The following ATRN variants were observed in gnomAD, a reference collection of about 807,000 sequenced individuals.
ATRN encodes the protein attractin, also known as attractin-2.
Under a neutral mutation model 178.7 loss-of-function variants are expected in ATRN, and 54 were observed. The observed-to-expected ratio is 0.30, with a 90% CI of 0.24 to 0.38. ATRN has a LOEUF of 0.38. ATRN is among the 10% of genes least tolerant of loss of function. ATRN has a pLI of 1.00. For missense variants in ATRN, 1,443 were observed against 1,815.1 expected (o/e 0.79, Z 3.73); for synonymous variants, 636 against 663.0 (o/e 0.96, Z 0.63).
intron 23 of ATRN, among the ~76,000 whole-genome samples, chr20:3,603,868 T>C (rs2086644863): frequency 6.6e-6 from 1 of 152,194 alleles, no homozygotes; most frequent in South Asian, 2.1e-4. Context: ...TCTTGTTGGC[T>C]GTGTGACTTG....
At chr20:3,616,551 A>G (rs1211624021) in intron 24 of ATRN, among the ~76,000 whole-genome samples, 1 of 152,148 alleles carries the variant, frequency 6.6e-6, no homozygotes, top group Non-Finnish European at 1.5e-5. Flanking sequence ...AGGAACTACC[A>G]GGAGTTTAGC....
chr20:3,596,869 A>G, intron 21 of ATRN, among the ~76,000 whole-genome samples: 1 of 152,126 alleles, frequency 6.6e-6, no homozygotes, highest in South Asian at 2.1e-4. Context: ...TGAGTCTGAC[A>G]AGGTGACCAT....
intron 8 of ATRN, 38 bp from the exon 9 acceptor site, chr20:3,562,238 G>A: frequency 4.5e-6 from 7 of 1,557,926 alleles, no homozygotes; most frequent in Non-Finnish European, 5.3e-6. Context: ...GAGAGGAGGA[G>A]CCTGCCATGC....
chr20:3,508,042 A>G (rs986928901), intron 1 of ATRN, among the ~76,000 whole-genome samples: 1 of 151,848 alleles, frequency 6.6e-6, no homozygotes, highest in Middle Eastern at 3.2e-3. Context: ...ATTGAGACAC[A>G]TTATCTTTAC....
chr20:3,578,140 T>C (rs1435859489), intron 14 of ATRN, among the ~76,000 whole-genome samples: 2 of 152,226 alleles, frequency 1.3e-5, no homozygotes, highest in African/African-American at 4.8e-5. Context: ...CACCTGATGA[T>C]ATGAAAACAG....
chr20:3,596,880 G>A (rs1185378078), intron 21 of ATRN, among the ~76,000 whole-genome samples: 2 of 152,042 alleles, frequency 1.3e-5, no homozygotes, highest in Non-Finnish European at 2.9e-5. Flanking sequence ...AGGTGACCAT[G>A]TTTTTATGGG....
chr20:3,582,423 AT>A, intron 16 of ATRN, 69 bp downstream of exon 16: 2 of 1,394,820 alleles, frequency 1.4e-6, no homozygotes, highest in South Asian at 2.3e-5. Flanking sequence ...GGCATAGTTC[AT>A]TGCTGAGATG....
At chr20:3,533,737 G>T (rs1013996420) in intron 1 of ATRN, among the ~76,000 whole-genome samples, 3 of 151,640 alleles carry the variant, frequency 2.0e-5, no homozygotes, top group Admixed American at 6.6e-5. Flanking sequence ...TTACTATTTA[G>T]GTTTTTCTGA....
chr20:3,589,226 C>T (rs1200905039), intron 18 of ATRN, among the ~76,000 whole-genome samples: 2 of 152,006 alleles, frequency 1.3e-5, no homozygotes, highest in Non-Finnish European at 1.5e-5. Flanking sequence ...TCTCGATCTC[C>T]TGACCTCGTG....
At chr20:3,490,610 C>T in intron 1 of ATRN, 1 of 1,010,914 alleles carries the variant, frequency 9.9e-7, no homozygotes, top group Non-Finnish European at 1.6e-6. Context: ...AGGTAACGAC[C>T]ATATCCCTCT....
chr20:3,539,996 A>G (rs1049994434), intron 2 of ATRN, among the ~76,000 whole-genome samples: 8 of 152,228 alleles, frequency 5.3e-5, no homozygotes, highest in Admixed American at 4.6e-4. Flanking sequence ...AATGGACTGT[A>G]AGGCCCAGAA....
Position 3,545,254 on chromosome 20 carries a change from G to A in ATRN, c.609-508G>A, listed in dbSNP as rs910263571. ...ATGGTGGTGGGCACCTGTAATCCCAGCTACTCAGGAGGCTGATGCAGGAGA... is the reference window on the plus strand; with the variant it reads ...ATGGTGGTGGGCACCTGTAATCCCAACTACTCAGGAGGCTGATGCAGGAGA... On this transcript the variant is annotated intron_variant, in intron 3 of 28. Transcript: ENST00000262919. Among the ~76,000 whole-genome samples, 23 of 151,556 alleles carry A rather than the reference G, an allele frequency of 1.5e-4. No individual in the cohort carries two copies. In the South Asian group the frequency reaches 2.9e-3, roughly 19 times the overall value.
At chr20:3,540,913 A>C (rs2085609951) in intron 3 of ATRN, among the ~76,000 whole-genome samples, 1 of 152,186 alleles carries the variant, frequency 6.6e-6, no homozygotes, top group African/African-American at 2.4e-5. Context: ...CATTTACATT[A>C]GTAGTTAAAC....
chr20:3,524,474 T>G (rs1252319878), intron 1 of ATRN, among the ~76,000 whole-genome samples: 1 of 152,148 alleles, frequency 6.6e-6, no homozygotes, highest in Non-Finnish European at 1.5e-5. Context: ...TGGGAGACTT[T>G]AACACCCCAC....
intron 23 of ATRN, among the ~76,000 whole-genome samples, chr20:3,601,556 A>G (rs1433930879): frequency 6.6e-6 from 1 of 152,150 alleles, no homozygotes; most frequent in Non-Finnish European, 1.5e-5. Context: ...TACTGTATAG[A>G]AAATCTAAAG....
intron 13 of ATRN, among the ~76,000 whole-genome samples, 180 bp from the exon 14 acceptor site, chr20:3,576,679 A>ATCTGTCTGTCTGTCTG (rs369364158): frequency 4.9e-4 from 70 of 142,324 alleles, no homozygotes; most frequent in South Asian, 3.5e-3. Flanking sequence ...TTATCTATCT[A>ATCTGTCTGTCTGTCTG]TCTGTCTGTC....
chr20:3,615,976 T>C (rs867642081), intron 24 of ATRN: 1 of 293,762 alleles, frequency 3.4e-6, no homozygotes, highest in South Asian at 2.6e-5. Context: ...CACACCAACA[T>C]GGCATATGTA....
intron 4 of ATRN, among the ~76,000 whole-genome samples, chr20:3,546,963 G>A (rs937104009): frequency 6.6e-6 from 1 of 152,168 alleles, no homozygotes; most frequent in Non-Finnish European, 1.5e-5. Flanking sequence ...AAGAAGAATA[G>A]GATAGTCCTC....
At position 3,540,887 on chromosome 20, in the gene ATRN, T is replaced by A. The variant is rs238700; in HGVS notation, c.608+552T>A. On this transcript the variant is annotated intron_variant, in intron 3 of 28. Coordinates refer to ENST00000262919, the MANE Select transcript of ATRN (RefSeq NM_139321.3). Reference sequence around the variant, plus strand: ...TGAGGAACATACTTATTATATATATTTTTTTTCAATAAGTACATTTACATT... The same window carrying A: ...TGAGGAACATACTTATTATATATATATTTTTTCAATAAGTACATTTACATT... 9.5e-3 allele frequency among the ~76,000 whole-genome samples: 1,439 copies of A among 152,112 alleles called. 19 individuals are homozygous for A. The highest frequency in any genetic ancestry group is 0.02 in the Middle Eastern group (6 of 294).
Sources: gnomAD v4.1 joint callset for allele counts (sites outside exome capture counted in the v4.1 genomes callset) on GRCh38, gnomAD v4.1.1 for gene constraint, MANE v1.5 for transcripts, NCBI Gene and HGNC (gene_info 2026-07-23, HGNC 2026-07-21) for gene names.